The following GCNT1 variants were observed in gnomAD, a reference collection of about 807,000 sequenced individuals.
GCNT1 encodes the protein beta-1,3-galactosyl-O-glycosyl-glycoprotein beta-1,6-N-acetylglucosaminyltransferase.
In GCNT1, 16 loss-of-function variants were observed where a neutral mutation model predicts 26.2. The observed-to-expected ratio is 0.61, with a 90% confidence interval of 0.41 to 0.93. The LOEUF is 0.93. GCNT1 is among the 40% of genes least tolerant of loss of function. The pLI is 0.00. For synonymous variants in GCNT1, 183 were observed against 190.8 expected (o/e 0.96, Z 0.34); for missense variants, 477 against 526.7 (o/e 0.91, Z 0.92).
At chr9:76,395,082 T>A in the GCNT1 span, among the ~76,000 whole-genome samples, 2 of 152,130 alleles carry the variant, frequency 1.3e-5, no homozygotes, top group Non-Finnish European at 2.9e-5. Context: ...CTCCAGGCTG[T>A]CTTCTTGACA....
chr9:76,435,421 G>A (rs1251460900), intron 1 of GCNT1, among the ~76,000 whole-genome samples: 2 of 152,152 alleles, frequency 1.3e-5, no homozygotes, highest in Non-Finnish European at 2.9e-5. Context: ...CAAGAAGACT[G>A]AATTAGTCAG....
At position 76,492,708 on chromosome 9, in the gene GCNT1, ATC is replaced by A. The variant is rs1554738359; in HGVS notation, c.-289-8206_-289-8205del. Among the ~76,000 whole-genome samples, 102 of 151,526 alleles carry A rather than the reference ATC, an allele frequency of 6.7e-4. 3 individuals carry two copies. In the East Asian group the frequency reaches 0.019, roughly 28 times the overall value. On this transcript the variant is annotated intron_variant, in intron 2 of 3. Transcript: ENST00000376730. Reference sequence around the variant, plus strand: ...GGGGCAGCTTGTTTCTCGTTGGACAATCTTTTTTAAAGTATTTCTGCAAACCA... The same window carrying A: ...GGGGCAGCTTGTTTCTCGTTGGACAATTTTTTAAAGTATTTCTGCAAACCA...
chr9:76,394,276 G>T, the GCNT1 span: 2 of 1,164,134 alleles, frequency 1.7e-6, no homozygotes, highest in Non-Finnish European at 2.4e-6. Flanking sequence ...ACAGGAGCGT[G>T]AGCTCTGCCT....
At chr9:76,421,439 A>T (rs1032204730) in intron 1 of GCNT1, among the ~76,000 whole-genome samples, 21 of 151,272 alleles carry the variant, frequency 1.4e-4, no homozygotes, top group Middle Eastern at 3.4e-3. Flanking sequence ...ATCTCTATTT[A>T]AAAAAAATAC....
At chr9:76,465,067 C>T (rs1368908027) in intron 2 of GCNT1, among the ~76,000 whole-genome samples, 1 of 151,632 alleles carries the variant, frequency 6.6e-6, no homozygotes, top group Admixed American at 6.6e-5. Flanking sequence ...ACACTGCCAT[C>T]AAACTCCTGG....
chr9:76,455,351 G>A (rs1823740487), upstream of GCNT1, among the ~76,000 whole-genome samples: 1 of 152,186 alleles, frequency 6.6e-6, no homozygotes, highest in African/African-American at 2.4e-5. Context: ...AGATTGATCA[G>A]TAGGGGCAAA....
chr9:76,457,524 C>T (rs777388909), upstream of GCNT1, among the ~76,000 whole-genome samples: 9 of 152,212 alleles, frequency 5.9e-5, no homozygotes, highest in Non-Finnish European at 1.0e-4. Flanking sequence ...GCTGGAATTA[C>T]AGGCATGAGC....
intron 2 of GCNT1, among the ~76,000 whole-genome samples, chr9:76,461,749 TGTG>T (rs1015302284): frequency 4.7e-5 from 7 of 150,324 alleles, no homozygotes; most frequent in Non-Finnish European, 7.4e-5. Flanking sequence ...ATTAGCCAGG[TGTG>T]GTGGTGGGCA....
chr9:76,459,605 G>A (rs1410370934), intron 1 of GCNT1, among the ~76,000 whole-genome samples: 2 of 152,206 alleles, frequency 1.3e-5, no homozygotes, highest in Admixed American at 6.5e-5. Flanking sequence ...TGTCGGAGGG[G>A]TTGGCTGCGG....
chr9:76,473,053 T>G (rs1189098879), intron 2 of GCNT1, among the ~76,000 whole-genome samples: 1 of 152,088 alleles, frequency 6.6e-6, no homozygotes, highest in Non-Finnish European at 1.5e-5. Flanking sequence ...CCTGCGACAC[T>G]TGTCTGTCTT....
At chr9:76,464,243 G>T (rs551839311) in intron 2 of GCNT1, among the ~76,000 whole-genome samples, 3 of 152,184 alleles carry the variant, frequency 2.0e-5, no homozygotes, top group African/African-American at 4.8e-5. Context: ...TGCAGACAGG[G>T]TCTCACTCTG....
chr9:76,453,973 A>G (rs745739961), intron 1 of GCNT1, among the ~76,000 whole-genome samples: 3 of 152,212 alleles, frequency 2.0e-5, no homozygotes, highest in Admixed American at 6.5e-5. Context: ...GAATGTCGCA[A>G]TAGGGGAGGG....
At chr9:76,495,145 G>A (rs888454126) in intron 2 of GCNT1, among the ~76,000 whole-genome samples, 1 of 152,176 alleles carries the variant, frequency 6.6e-6, no homozygotes, top group African/African-American at 2.4e-5. Flanking sequence ...TCACTGCTTG[G>A]TGATGGTCCA....
At chr9:76,492,680 G>A (rs538366918) in intron 2 of GCNT1, among the ~76,000 whole-genome samples, 5 of 151,172 alleles carry the variant, frequency 3.3e-5, no homozygotes, top group East Asian at 3.9e-4. Flanking sequence ...GGACACAGAT[G>A]AGGGGGCAGC....
intron 2 of GCNT1, among the ~76,000 whole-genome samples, chr9:76,464,609 G>A (rs572093619): frequency 3.7e-4 from 56 of 151,814 alleles, no homozygotes; most frequent in Admixed American, 2.5e-3. Context: ...ATTCACAGGT[G>A]AGATCATAGC....
the GCNT1 span, chr9:76,393,909 A>G: frequency 3.4e-6 from 2 of 593,170 alleles, no homozygotes; most frequent in Non-Finnish European, 5.7e-6. Context: ...AGAAGCAGGG[A>G]CAAGCTCCCT....
At chr9:76,419,312 C>T (rs911865981), upstream of GCNT1, among the ~76,000 whole-genome samples, 6 of 152,160 alleles carry the variant, frequency 3.9e-5, no homozygotes, top group African/African-American at 1.4e-4. Flanking sequence ...AGAGCTAATA[C>T]CATGTCTGGC....
the GCNT1 span, among the ~76,000 whole-genome samples, chr9:76,406,765 G>A: frequency 6.6e-6 from 1 of 152,202 alleles, no homozygotes; most frequent in Non-Finnish European, 1.5e-5. Flanking sequence ...TTCTGGCCAG[G>A]CACAGTGGCT....
At chr9:76,489,549 C>T (rs114193887) in intron 2 of GCNT1, among the ~76,000 whole-genome samples, 2,785 of 152,180 alleles carry the variant, frequency 0.018, 88 homozygotes, top group African/African-American at 0.063. Flanking sequence ...CTGATTGGTC[C>T]GTTTTACAGA....
Sources: allele counts gnomAD v4.1 joint callset (sites outside exome capture counted in the v4.1 genomes callset), GRCh38; gene constraint gnomAD v4.1.1; transcripts MANE v1.5; gene names NCBI Gene and HGNC (gene_info 2026-07-23, HGNC 2026-07-21).